The following MFSD6 variants were observed in gnomAD, a reference collection of about 807,000 sequenced individuals.
MFSD6 encodes the protein major facilitator superfamily domain containing 6.
Under a neutral mutation model 56.3 loss-of-function variants are expected in MFSD6, and 26 were observed. The observed-to-expected ratio is 0.46, with a 90% CI of 0.34 to 0.64. MFSD6 has a LOEUF of 0.64. Among genes scored for constraint, MFSD6 ranks in the 30% least tolerant of loss-of-function variants. The pLI, the probability that MFSD6 is intolerant of heterozygous loss-of-function variation, is 0.01. For missense variants in MFSD6, 750 were observed against 986.2 expected, an observed-to-expected ratio of 0.76 and a Z score of 3.21; for synonymous variants, 331 against 366.9, an observed-to-expected ratio of 0.90 and a Z score of 1.12.
rs186898489 is a variant in MFSD6, at chr2:190,474,411, A to G, written c.1630+4556A>G. Among the ~76,000 whole-genome samples the G allele has an allele frequency of 1.2e-3, 181 of 152,356 alleles. 1 individual carries two copies. Among genetic ancestry groups the G allele is most frequent in the African/African-American group, 4.2e-3 (174 of 41,584 alleles). ...CACCACCGATCCCACAGAAATACAA[A>G]CTACCATCAGAGAATACTATAAACA... is the stretch of plus-strand genomic sequence containing the variant. On this transcript the variant is annotated intron_variant, in intron 4 of 7. Transcript: ENST00000392328.
rs1177874116 is a variant in MFSD6, at chr2:190,499,787, A to C, written c.2173-228A>C. On this transcript the variant is annotated intron_variant, in intron 7 of 7. Transcript: ENST00000392328. The surrounding 1 kb of genome is among the most constrained non-coding windows in gnomAD (Gnocchi z 6.0). ...GTAGTAATGTTCCTTTTTCCACAAGACACGTCTGCTTATAGTGTTTGTGTT... is the reference window on the plus strand; with the variant it reads ...GTAGTAATGTTCCTTTTTCCACAAGCCACGTCTGCTTATAGTGTTTGTGTT... 2 of 1,498,912 alleles carry C rather than the reference A, an allele frequency of 1.3e-6. No homozygotes were observed. 92.9% of individuals were successfully genotyped at this position (1,498,912 alleles called of 1,614,324 possible).
Position 190,469,593 on chromosome 2 carries a change from T to G in MFSD6, c.1533-165T>G. On this transcript the variant is annotated intron_variant, in intron 3 of 7. Transcript: ENST00000392328. The surrounding 1 kb of genome is among the most constrained non-coding windows in gnomAD (Gnocchi z 5.3). Reference sequence around the variant, plus strand: ...TGCTTAAATGTAATTGTCCTTCAGTTTTCCCACTCCTGAGTTTGGAGTCTG... The same window carrying G: ...TGCTTAAATGTAATTGTCCTTCAGTGTTCCCACTCCTGAGTTTGGAGTCTG... 1 of 349,714 alleles carries G rather than the reference T, an allele frequency of 2.9e-6. No homozygotes were observed. Among genetic ancestry groups the G allele is most frequent in the East Asian group, 4.6e-5 (1 of 21,858 alleles). 21.7% of individuals were successfully genotyped at this position (349,714 alleles called of 1,614,324 possible). A position where few individuals can be genotyped will look rare whatever the true frequency, so the allele number is the denominator to read the frequency against.
rs368689766 is a variant in MFSD6 at position 190,489,717 on chromosome 2, G to T, written c.1793-51G>T. On this transcript the variant is annotated intron_variant, in intron 5 of 7. Transcript: ENST00000392328. The surrounding 1 kb of genome is among the most constrained non-coding windows in gnomAD (Gnocchi z 6.6). ...AGAAAACTGATGGTTTTAGATGAGC[G>T]CTATCTGCATTTCTTGGAATTACTC... The T allele has an allele frequency of 6.6e-7, 1 of 1,512,736 alleles. No homozygotes were observed. The highest frequency in any genetic ancestry group is 9.1e-7 in the Non-Finnish European group (1 of 1,097,192). The allele number at this position is 1,512,736 out of a possible 1,614,324, so 93.7% of individuals were successfully genotyped here.
chr2:190,426,173 G>T lies in MFSD6; in HGVS notation c.-53-9804G>T, dbSNP rs1192518231. ...CCCTTTTTTTCTCCTCACCTTCCAG[G>T]ACTATGATGACATGAACATTAGATC... On this transcript the variant is annotated intron_variant, in intron 2 of 7. Coordinates refer to ENST00000392328, the MANE Select transcript of MFSD6 (RefSeq NM_017694.4). The surrounding 1 kb of genome is among the most constrained non-coding windows in gnomAD (Gnocchi z 4.7). Among the ~76,000 whole-genome samples the T allele has an allele frequency of 6.6e-6, 1 of 152,020 alleles. No homozygotes were observed. The highest frequency in any genetic ancestry group is 6.6e-5 in the Admixed American group (1 of 15,264).
rs564527961 is a variant in MFSD6, at chr2:190,455,538, C to G, written c.1533-14220C>G. On this transcript the variant is annotated intron_variant, in intron 3 of 7. Coordinates refer to ENST00000392328, the MANE Select transcript of MFSD6 (RefSeq NM_017694.4). The stretch of plus-strand genomic sequence containing the variant: ...TTGTTGATCTGCACGACCCTGGCAA[C>G]TTGGTGAACCTTTCAGGGCCTTGGT... Among the ~76,000 whole-genome samples the G allele has an allele frequency of 2.6e-5, 4 of 152,226 alleles. No homozygotes were observed. The South Asian group carries it at 8.3e-4, about 32-fold the overall frequency.
In MFSD6 at chr2:190,433,027, A is replaced by C. The variant is rs1362819925; in HGVS notation, c.-53-2950A>C. ...CTCAGATCTACCAAGTCTTTTACCA[A>C]TTGTTTACTTTCTGCTTTCCGTAAT... On this transcript the variant is annotated intron_variant, in intron 2 of 7. Transcript: ENST00000392328. This position sits in a 1 kb window ranked among gnomAD's most constrained non-coding sequence, Gnocchi z 4.5. 6.6e-6 allele frequency among the ~76,000 whole-genome samples: 1 copy of C among 152,054 alleles called. No homozygotes were observed. Among genetic ancestry groups the C allele is most frequent in the South Asian group, 2.1e-4 (1 of 4,832 alleles).
chr2:190,420,908 A>C (rs1685586926), intron 2 of MFSD6, among the ~76,000 whole-genome samples: 2 of 152,188 alleles, frequency 1.3e-5, no homozygotes, highest in African/African-American at 4.8e-5. Flanking sequence ...ACTGTCTATG[A>C]CATTTATATA....
intron 3 of MFSD6, among the ~76,000 whole-genome samples, chr2:190,441,374 A>C (rs898550846): frequency 1.3e-5 from 2 of 151,952 alleles, no homozygotes; most frequent in Admixed American, 1.3e-4. Flanking sequence ...CGAGGCATTC[A>C]ACGTTTTTAC....
intron 6 of MFSD6, among the ~76,000 whole-genome samples, chr2:190,493,353 A>C (rs1689475410): frequency 6.6e-6 from 1 of 152,134 alleles, no homozygotes; most frequent in South Asian, 2.1e-4. Context: ...ATATACATAC[A>C]CCTAACACTG....
chr2:190,433,888 C>T lies in MFSD6; in HGVS notation c.-53-2089C>T, dbSNP rs1686086895. ...TAGCAAGTGAAACTGATATTTTTCTCTAGTAAAGAAAGTGAAAGGAGGCAG... is the reference window on the plus strand; with the variant it reads ...TAGCAAGTGAAACTGATATTTTTCTTTAGTAAAGAAAGTGAAAGGAGGCAG... On this transcript the variant is annotated intron_variant, in intron 2 of 7. Transcript: ENST00000392328. The surrounding 1 kb of genome is among the most constrained non-coding windows in gnomAD (Gnocchi z 4.5). Among the ~76,000 whole-genome samples, 1 of 151,996 alleles carries T rather than the reference C, an allele frequency of 6.6e-6. No individual in the cohort carries two copies. Among genetic ancestry groups the T allele is most frequent in the Non-Finnish European group, 1.5e-5 (1 of 67,988 alleles).
intron 3 of MFSD6, among the ~76,000 whole-genome samples, chr2:190,446,500 G>A (rs564148028): frequency 6.6e-6 from 1 of 152,184 alleles, no homozygotes; most frequent in Non-Finnish European, 1.5e-5. Flanking sequence ...AGAGCTATGT[G>A]TTAGCAGTAA....
chr2:190,428,808 G>A (rs899190766), intron 2 of MFSD6, among the ~76,000 whole-genome samples: 1 of 152,070 alleles, frequency 6.6e-6, no homozygotes. Flanking sequence ...GAGTAGCTGG[G>A]ATTACAGGCA....
chr2:190,465,023 C>T lies in MFSD6; in HGVS notation c.1533-4735C>T, dbSNP rs1326457460. 3.4e-6 allele frequency: 2 copies of T among 595,148 alleles called. No homozygotes were observed. The highest frequency in any genetic ancestry group is 4.2e-6 in the Non-Finnish European group (2 of 472,372). The allele number at this position is 595,148 out of a possible 1,614,324, so 36.9% of individuals were successfully genotyped here. ...CAGAATGACTCATAATTCATTGTAT[C>T]TATATCTTGAACACTCTTGAAAAAA... is the stretch of plus-strand genomic sequence containing the variant. On this transcript the variant is annotated intron_variant, in intron 3 of 7. Coordinates refer to ENST00000392328, the MANE Select transcript of MFSD6 (RefSeq NM_017694.4). The surrounding 1 kb of genome is among the most constrained non-coding windows in gnomAD (Gnocchi z 4.6).
rs568467424 is a variant in MFSD6 at position 190,492,826 on chromosome 2, A to C, written c.1891+2960A>C. Among the ~76,000 whole-genome samples, 1 of 151,104 alleles carries C rather than the reference A, an allele frequency of 6.6e-6. No homozygotes were observed. The highest frequency in any genetic ancestry group is 1.9e-4 in the East Asian group (1 of 5,180). ...CTCCAAGAACTACCAAGCCAGAACT[A>C]CAAGAATTTGCCACTCACCACCAAG... On this transcript the variant is annotated intron_variant, in intron 6 of 7. Coordinates refer to ENST00000392328, the MANE Select transcript of MFSD6 (RefSeq NM_017694.4). The surrounding 1 kb of genome is among the most constrained non-coding windows in gnomAD (Gnocchi z 5.2).
chr2:190,429,632 A>T (rs1354234192), intron 2 of MFSD6, among the ~76,000 whole-genome samples: 3 of 152,258 alleles, frequency 2.0e-5, no homozygotes, highest in Non-Finnish European at 4.4e-5. Context: ...CTTAATTTTA[A>T]TGTAGTTCAA....
At chr2:190,444,946 G>T (rs1686518017) in intron 3 of MFSD6, 1 of 668,984 alleles carries the variant, frequency 1.5e-6, no homozygotes, top group South Asian at 6.8e-5. Flanking sequence ...ATTAACTGTA[G>T]CATACTGGGT....
At chr2:190,419,904 A>G (rs956602412) in intron 2 of MFSD6, among the ~76,000 whole-genome samples, 9 of 152,238 alleles carry the variant, frequency 5.9e-5, no homozygotes, top group Non-Finnish European at 1.2e-4. Context: ...AGACTGTGCC[A>G]GGTGAGAAGA....
rs1687540092 is a variant in MFSD6, at chr2:190,465,227, TG to T, written c.1533-4530del. Among the ~76,000 whole-genome samples the T allele has an allele frequency of 2.0e-5, 3 of 152,340 alleles. No individual in the cohort carries two copies. The highest frequency in any genetic ancestry group is 7.2e-5 in the African/African-American group (3 of 41,586). ...GGGTTTTCCACAGGGTAGTGTTTTC[TG>T]CTGCATCATTTGCTTCTTATCAATT... On this transcript the variant is annotated intron_variant, in intron 3 of 7. Transcript: ENST00000392328. This position sits in a 1 kb window ranked among gnomAD's most constrained non-coding sequence, Gnocchi z 4.6.
At chr2:190,453,243 A>C (rs1315002623) in intron 3 of MFSD6, among the ~76,000 whole-genome samples, 5 of 152,076 alleles carry the variant, frequency 3.3e-5, no homozygotes, top group Admixed American at 6.6e-5. Context: ...CCAGATGAGT[A>C]CTGGTGCCAC....
Sources: gnomAD v4.1 joint callset for allele counts (sites outside exome capture counted in the v4.1 genomes callset) on GRCh38, gnomAD v4.1.1 for gene constraint, Gnocchi (gnomAD v3.1) non-coding constraint, MANE v1.5 for transcripts, NCBI Gene and HGNC (gene_info 2026-07-23, HGNC 2026-07-21) for gene names.